DLGAP2: variants seen among roughly 807,000 people sequenced by gnomAD.
DLGAP2 encodes the protein DLG associated protein 2.
DLGAP2 carries 26 observed loss-of-function variants against 100.3 expected under a neutral mutation model. The ratio of observed to expected loss-of-function variants is 0.26; its 90% CI spans 0.19 to 0.36. DLGAP2 has a LOEUF of 0.36. Among genes scored for constraint, DLGAP2 ranks in the 10% least tolerant of loss-of-function variants. The pLI is 1.00. For synonymous variants in DLGAP2, 886 were observed against 630.1 expected (o/e 1.41, Z -6.08); for missense variants, 1,858 against 1,453.2 (o/e 1.28, Z -4.53).
chr8:1,564,334 G>C (rs1461226333), intron 5 of DLGAP2, among the ~76,000 whole-genome samples: 3 of 152,190 alleles, frequency 2.0e-5, no homozygotes, highest in Non-Finnish European at 4.4e-5. Flanking sequence ...CAGTTTCACA[G>C]ATGGTGGATG....
chr8:1,113,372 C>G (rs1310907769), intron 2 of DLGAP2, among the ~76,000 whole-genome samples: 4 of 152,156 alleles, frequency 2.6e-5, no homozygotes, highest in Non-Finnish European at 5.9e-5. Context: ...TCTCAGATTT[C>G]TTTGAGGAGC....
intron 3 of DLGAP2, among the ~76,000 whole-genome samples, chr8:1,353,387 C>G (rs1430719203): frequency 6.6e-6 from 1 of 152,192 alleles, no homozygotes; most frequent in Non-Finnish European, 1.5e-5. Flanking sequence ...CACAACCCTT[C>G]TGATTTTTGC....
At chr8:1,365,081 G>A (rs1802078651) in intron 3 of DLGAP2, among the ~76,000 whole-genome samples, 1 of 152,198 alleles carries the variant, frequency 6.6e-6, no homozygotes, top group Admixed American at 6.5e-5. Flanking sequence ...AACCCCGCAA[G>A]GACACGTTTT....
chr8:996,975 C>A (rs4496992), intron 2 of DLGAP2, among the ~76,000 whole-genome samples: 2 of 152,116 alleles, frequency 1.3e-5, no homozygotes, highest in East Asian at 1.9e-4. Flanking sequence ...TCTGGAGGTA[C>A]ATTAATCTTA....
chr8:1,372,973 C>T (rs1211203630), intron 3 of DLGAP2, among the ~76,000 whole-genome samples: 1 of 152,176 alleles, frequency 6.6e-6, no homozygotes, highest in East Asian at 1.9e-4. Context: ...GTTATGGCCA[C>T]CTACGTGGCC....
rs911993723 is a variant in DLGAP2, at chr8:1,311,330, C to T, written c.106+52447C>T. ...AAATATCCAGAATCAGATACGTTCA[C>T]TGGTGAATTCCACCAAACAGGTAAA... On this transcript the variant is annotated intron_variant, in intron 3 of 14. Transcript: ENST00000637795. 3.3e-5 allele frequency among the ~76,000 whole-genome samples: 5 copies of T among 152,206 alleles called. No individual in the cohort carries two copies. In the South Asian group the frequency reaches 8.3e-4, roughly 25 times the overall value.
At chr8:1,368,290 A>G (rs1035521032) in intron 3 of DLGAP2, among the ~76,000 whole-genome samples, 1 of 151,236 alleles carries the variant, frequency 6.6e-6, no homozygotes, top group Non-Finnish European at 1.5e-5. Context: ...ATGTGTGTGT[A>G]TTATGTGTAT....
Position 1,668,563 on chromosome 8 carries a change from C to G in DLGAP2, c.2045C>G (p.Ala682Gly), listed in dbSNP as rs1267721178. Residue 682 changes from alanine to glycine, a missense_variant, in exon 9 of 15, where the codon GCC (alanine) becomes GGC (glycine). Physicochemically the swap from Ala to Gly is moderately conservative, Grantham distance 60 (BLOSUM62 0). Coordinates refer to ENST00000637795, the MANE Select transcript of DLGAP2 (RefSeq NM_001346810.2). ...AMNLALETAA[A>G]QRHLPESQSS... ...AACCTCGCGCTGGAAACGGCCGCTG[C>G]CCAGCGCCACCTGCCAGAGAGCCAG... is the stretch of plus-strand genomic sequence containing the variant. 1.3e-6 allele frequency: 2 copies of G among 1,591,130 alleles called. No homozygotes were observed. The highest frequency in any genetic ancestry group is 1.7e-6 in the Non-Finnish European group (2 of 1,170,154).
At chr8:1,663,050 TGTACACATA>T (rs1271892576) in intron 8 of DLGAP2, among the ~76,000 whole-genome samples, 1 of 141,262 alleles carries the variant, frequency 7.1e-6, no homozygotes, top group Non-Finnish European at 1.5e-5. Flanking sequence ...TGTGCCTGTG[TGTACACATA>T]GTGTGGGGTG....
chr8:1,173,603 C>T (rs1457127427), intron 2 of DLGAP2, among the ~76,000 whole-genome samples: 5 of 152,184 alleles, frequency 3.3e-5, no homozygotes, highest in Admixed American at 3.3e-4. Context: ...GCCCCTCCCC[C>T]AGCCTCCCTG....
chr8:1,589,426 C>T (rs1210881363), intron 6 of DLGAP2, among the ~76,000 whole-genome samples: 1 of 152,120 alleles, frequency 6.6e-6, no homozygotes, highest in African/African-American at 2.4e-5. Flanking sequence ...CATGTTGCCA[C>T]ATTTTGTGTC....
intron 3 of DLGAP2, chr8:1,302,024 T>G (rs1800356034): frequency 6.6e-6 from 1 of 152,268 alleles, no homozygotes; most frequent in Admixed American, 6.5e-5. Context: ...AACTAGGCAT[T>G]CTGTTCTTAA....
intron 1 of DLGAP2, among the ~76,000 whole-genome samples, chr8:833,244 C>T (rs1366360061): frequency 6.6e-6 from 1 of 152,204 alleles, no homozygotes; most frequent in African/African-American, 2.4e-5. Flanking sequence ...AGTCAGCACT[C>T]CAGTACCCAT....
At chr8:1,083,052 C>T (rs1803862560) in intron 2 of DLGAP2, among the ~76,000 whole-genome samples, 1 of 152,124 alleles carries the variant, frequency 6.6e-6, no homozygotes, top group South Asian at 2.1e-4. Flanking sequence ...AGAGTCCATG[C>T]TGAGTTTGCT....
intron 3 of DLGAP2, among the ~76,000 whole-genome samples, chr8:1,285,564 A>G (rs571882076): frequency 1.2e-3 from 186 of 152,356 alleles, no homozygotes; most frequent in African/African-American, 4.4e-3. Flanking sequence ...CGTGAACAAG[A>G]CACACCTGTC....
At chr8:1,206,781 T>A (rs1312855252) in intron 2 of DLGAP2, among the ~76,000 whole-genome samples, 1 of 152,196 alleles carries the variant, frequency 6.6e-6, no homozygotes, top group Non-Finnish European at 1.5e-5. Context: ...CCATCGCTGC[T>A]ACCATTCTTT....
chr8:1,633,174 T>G, intron 8 of DLGAP2, 128 bp downstream of exon 8: 1 of 838,638 alleles, frequency 1.2e-6, no homozygotes, highest in Non-Finnish European at 1.9e-6. Context: ...TAACGTTTCC[T>G]AATTGCATGT....
At chr8:826,231 G>A (rs1019734709) in intron 1 of DLGAP2, among the ~76,000 whole-genome samples, 3 of 152,178 alleles carry the variant, frequency 2.0e-5, no homozygotes, top group Admixed American at 1.3e-4. Context: ...GTCTGTGGAC[G>A]GACACTTAGG....
intron 6 of DLGAP2, among the ~76,000 whole-genome samples, chr8:1,568,878 A>G: frequency 1.4e-5 from 1 of 71,608 alleles, no homozygotes; most frequent in Admixed American, 1.7e-4. Flanking sequence ...AGCAGACACA[A>G]ATCCATCTCT....
Sources: allele counts gnomAD v4.1 joint callset (sites outside exome capture counted in the v4.1 genomes callset), GRCh38; gene constraint gnomAD v4.1.1; transcripts MANE v1.5; gene names NCBI Gene and HGNC (gene_info 2026-07-23, HGNC 2026-07-21).